PDE8A: variants seen among roughly 807,000 people sequenced by gnomAD.
PDE8A encodes the protein high affinity cAMP-specific and IBMX-insensitive 3',5'-cyclic phosphodiesterase 8A.
PDE8A carries 59 observed loss-of-function variants against 105.0 expected under a neutral mutation model. That is an observed-to-expected ratio of 0.56 (90% CI 0.46 to 0.70). The LOEUF (loss-of-function observed/expected upper bound fraction) is 0.70. PDE8A is among the 30% of genes least tolerant of loss of function. The pLI, the probability that PDE8A is intolerant of heterozygous loss-of-function variation, is 0.00. For synonymous variants in PDE8A, 355 were observed against 371.9 expected, an observed-to-expected ratio of 0.95 and a Z score of 0.52; for missense variants, 1,014 against 1,045.9, an observed-to-expected ratio of 0.97 and a Z score of 0.42.
intron 20 of PDE8A, among the ~76,000 whole-genome samples, chr15:85,135,955 C>G (rs1414581465): frequency 6.6e-6 from 1 of 152,094 alleles, no homozygotes; most frequent in Non-Finnish European, 1.5e-5. Context: ...CTAGGCCCTT[C>G]CTTGTAAAGT....
rs758962801 is a variant in PDE8A, at chr15:85,136,529, T to C, written c.2254-5T>C. ...GGTCTCCTGATCACATTTTCTGCTT[T>C]ACAGACTGATGAAGAGAAGCAGCAG... On this transcript the variant is annotated splice_region_variant and splice_polypyrimidine_tract_variant and intron_variant, in intron 20 of 21. Coordinates refer to ENST00000394553, the MANE Select transcript of PDE8A (RefSeq NM_002605.3). The C allele has an allele frequency of 8.1e-6, 13 of 1,612,314 alleles. No homozygotes were observed. Among genetic ancestry groups the C allele is most frequent in the African/African-American group, 1.3e-5 (1 of 74,864 alleles).
chr15:85,060,639 A>G (rs1395245193), intron 1 of PDE8A, among the ~76,000 whole-genome samples: 1 of 152,232 alleles, frequency 6.6e-6, no homozygotes, highest in African/African-American at 2.4e-5. Flanking sequence ...ACAAGGGACA[A>G]CTGTACATTG....
intron 1 of PDE8A, among the ~76,000 whole-genome samples, chr15:85,018,886 T>A (rs954635223): frequency 6.6e-6 from 1 of 152,240 alleles, no homozygotes. Flanking sequence ...CATTTTTACT[T>A]TGGGGTGTAA....
At chr15:85,000,011 G>C (rs189176740) in intron 1 of PDE8A, among the ~76,000 whole-genome samples, 1 of 152,184 alleles carries the variant, frequency 6.6e-6, no homozygotes, top group Non-Finnish European at 1.5e-5. Context: ...TAAAAAGAGC[G>C]GGGGAATTGA....
intron 6 of PDE8A, among the ~76,000 whole-genome samples, chr15:85,088,757 T>G (rs1168482701): frequency 6.6e-6 from 1 of 152,204 alleles, no homozygotes; most frequent in East Asian, 1.9e-4. Context: ...ATTTTCTAAT[T>G]TTTTTCAATA....
intron 20 of PDE8A, among the ~76,000 whole-genome samples, chr15:85,127,060 G>A (rs1160901497): frequency 2.0e-5 from 3 of 152,132 alleles, no homozygotes; most frequent in Admixed American, 2.0e-4. Context: ...GCCGGGCATA[G>A]TGATGCACTC....
chr15:84,987,465 CTTTT>C (rs10656480), intron 1 of PDE8A, among the ~76,000 whole-genome samples: 1 of 92,442 alleles, frequency 1.1e-5, no homozygotes, highest in Non-Finnish European at 2.0e-5. Context: ...GGATTGGTTC[CTTTT>C]TTTTTTTTTT....
At chr15:85,114,077 G>T (rs182437084) in intron 14 of PDE8A, 40 bp downstream of exon 14, 7 of 1,554,432 alleles carry the variant, frequency 4.5e-6, no homozygotes, top group Admixed American at 1.7e-5. Context: ...GAGCCTGTCT[G>T]TTCTTGGTTG....
chr15:84,995,755 C>T (rs2079965901), intron 1 of PDE8A, among the ~76,000 whole-genome samples: 1 of 152,166 alleles, frequency 6.6e-6, no homozygotes, highest in African/African-American at 2.4e-5. Context: ...AAATTGCCCT[C>T]CAGGAAAATG....
intron 5 of PDE8A, among the ~76,000 whole-genome samples, chr15:85,079,517 CAA>C (rs949770291): frequency 6.6e-6 from 1 of 152,138 alleles, no homozygotes; most frequent in African/African-American, 2.4e-5. Context: ...TCCAAAATAA[CAA>C]GAGGAAATAG....
intron 1 of PDE8A, among the ~76,000 whole-genome samples, chr15:85,029,899 C>T (rs971845004): frequency 6.6e-6 from 1 of 152,188 alleles, no homozygotes; most frequent in East Asian, 1.9e-4. Flanking sequence ...AAGGGGGACA[C>T]TCTTTTAACT....
chr15:85,046,200 C>T (rs1446238973), intron 1 of PDE8A, among the ~76,000 whole-genome samples: 1 of 151,782 alleles, frequency 6.6e-6, no homozygotes, highest in Non-Finnish European at 1.5e-5. Flanking sequence ...TACAGGCACC[C>T]ACCACACCTG....
intron 1 of PDE8A, among the ~76,000 whole-genome samples, chr15:85,031,792 A>G (rs2080619673): frequency 6.6e-6 from 1 of 152,138 alleles, no homozygotes; most frequent in Non-Finnish European, 1.5e-5. Context: ...CCTGATTACT[A>G]TTCATAAATC....
At chr15:85,063,911 G>A (rs1398822356) in intron 1 of PDE8A, 2 of 155,260 alleles carry the variant, frequency 1.3e-5, no homozygotes, top group Non-Finnish European at 2.9e-5. Context: ...CCATGGTTCT[G>A]ACTGCTGGAT....
chr15:85,103,080 G>A (rs936803686), intron 11 of PDE8A, among the ~76,000 whole-genome samples: 3 of 151,938 alleles, frequency 2.0e-5, no homozygotes, highest in African/African-American at 4.8e-5. Flanking sequence ...AAATTAGCCG[G>A]GTGTGGTGAC....
At position 85,126,237 on chromosome 15, in the gene PDE8A, A is replaced by T; in HGVS notation, c.2116A>T (p.Thr706Ser). The change falls in exon 20 of 22, where the codon ACT becomes TCT. Residue 706 changes from threonine to serine, a missense_variant. Thr to Ser is a moderately conservative substitution (Grantham distance 58). Transcript: ENST00000394553. ...ETDKNQEVINTMLRTPENRTL... is the reference protein window; with the variant it reads ...ETDKNQEVINSMLRTPENRTL... ...TGATAAAAACCAGGAAGTGATAAAC[A>T]CTATGCTTAGGACTCCAGAGAACCG... The T allele has an allele frequency of 3.1e-6, 5 of 1,611,242 alleles. No individual in the cohort carries two copies. Among genetic ancestry groups the T allele is most frequent in the Non-Finnish European group, 4.2e-6 (5 of 1,178,760 alleles).
rs1287320527 is a variant in PDE8A, at chr15:85,089,038, C to T, written c.636-300C>T. 2.0e-5 allele frequency among the ~76,000 whole-genome samples: 3 copies of T among 152,112 alleles called. No homozygotes were observed. The East Asian group carries it at 5.8e-4, about 29-fold the overall frequency. On this transcript the variant is annotated intron_variant, in intron 6 of 21. Coordinates refer to ENST00000394553, the MANE Select transcript of PDE8A (RefSeq NM_002605.3). ...AAGGGAAGGCTTGATGGGGTTCAGT[C>T]ACTTGCCCAGGGTCCCACAGCTGCT... is the stretch of plus-strand genomic sequence containing the variant.
At chr15:84,995,726 G>T (rs942965041) in intron 1 of PDE8A, among the ~76,000 whole-genome samples, 1 of 152,104 alleles carries the variant, frequency 6.6e-6, no homozygotes, top group African/African-American at 2.4e-5. Context: ...ACTTTTAAAA[G>T]CTCACGATAA....
At chr15:85,015,300 C>T (rs1187428350) in intron 1 of PDE8A, among the ~76,000 whole-genome samples, 1 of 151,332 alleles carries the variant, frequency 6.6e-6, no homozygotes, top group African/African-American at 2.4e-5. Context: ...AATCACAGCT[C>T]ACCGGAGCCT....
Sources: gnomAD v4.1 joint callset for allele counts (sites outside exome capture counted in the v4.1 genomes callset) on GRCh38, gnomAD v4.1.1 for gene constraint, MANE v1.5 for transcripts, NCBI Gene and HGNC (gene_info 2026-07-23, HGNC 2026-07-21) for gene names.